PREX2: variants seen among roughly 807,000 people sequenced by gnomAD.
PREX2 encodes the protein phosphatidylinositol 3,4,5-trisphosphate-dependent Rac exchanger 2 protein.
Under a neutral mutation model 203.2 loss-of-function variants are expected in PREX2, and 107 were observed. The observed-to-expected ratio is 0.53, with a 90% CI of 0.45 to 0.62. The LOEUF is 0.62. PREX2 is among the 20% of genes least tolerant of loss of function. The pLI is 0.00. For synonymous variants in PREX2, 672 were observed against 663.6 expected, an observed-to-expected ratio of 1.01 and a Z score of -0.19; for missense variants, 1,777 against 1,955.9, an observed-to-expected ratio of 0.91 and a Z score of 1.72.
intron 1 of PREX2, among the ~76,000 whole-genome samples, chr8:67,984,757 A>C (rs1806367126): frequency 6.6e-6 from 1 of 152,222 alleles, no homozygotes; most frequent in Non-Finnish European, 1.5e-5. Context: ...TCTCGAATGC[A>C]CAAGCTGATC....
chr8:67,986,106 A>T (rs573458408), intron 1 of PREX2, among the ~76,000 whole-genome samples: 9 of 152,286 alleles, frequency 5.9e-5, no homozygotes, highest in Admixed American at 5.2e-4. Flanking sequence ...TTTTGGTTGG[A>T]GACAGGAAAA....
intron 37 of PREX2, among the ~76,000 whole-genome samples, chr8:68,210,109 T>A (rs975853483): frequency 2.2e-4 from 33 of 152,184 alleles, no homozygotes; most frequent in African/African-American, 7.5e-4. Flanking sequence ...CAGGGATAAT[T>A]TTTAGTGGTA....
intron 37 of PREX2, among the ~76,000 whole-genome samples, chr8:68,194,018 C>G (rs1283665085): frequency 6.6e-6 from 1 of 152,216 alleles, no homozygotes; most frequent in Admixed American, 6.5e-5. Context: ...ACTTTGCTCT[C>G]TATTGCAAGC....
intron 30 of PREX2, among the ~76,000 whole-genome samples, chr8:68,125,574 T>G (rs1296086792): frequency 1.3e-5 from 2 of 152,140 alleles, no homozygotes; most frequent in Non-Finnish European, 2.9e-5. Context: ...ATTAATTATA[T>G]GGTGTCCCTA....
Position 68,080,454 on chromosome 8 carries a change from A to G in PREX2, c.1654A>G (p.Ser552Gly). 1.2e-6 allele frequency: 2 copies of G among 1,611,272 alleles called. No homozygotes were observed. Among genetic ancestry groups the G allele is most frequent in the Non-Finnish European group, 1.7e-6 (2 of 1,179,364 alleles). Residue 552 changes from serine (S) to glycine (G), a missense_variant, in exon 16 of 40, where the codon AGC becomes GGC. Ser to Gly is a moderately conservative substitution (Grantham distance 56, BLOSUM62 0). Coordinates refer to ENST00000288368, the MANE Select transcript of PREX2 (RefSeq NM_024870.4). ...NGFMHHVLEKSEFKDEPLLFR... is the reference protein window; with the variant it reads ...NGFMHHVLEKGEFKDEPLLFR... ...GTCTTTTTCTGTAGTCCTTGAAAAA[A>G]GCGAATTCAAAGATGAACCCCTACT...
intron 1 of PREX2, among the ~76,000 whole-genome samples, chr8:67,975,559 C>T (rs906220572): frequency 2.0e-5 from 3 of 151,724 alleles, no homozygotes; most frequent in Non-Finnish European, 2.9e-5. Context: ...AAAACGAGAG[C>T]AACAGAATTC....
intron 10 of PREX2, among the ~76,000 whole-genome samples, chr8:68,058,696 A>G (rs1808753451): frequency 6.6e-6 from 1 of 152,064 alleles, no homozygotes; most frequent in South Asian, 2.1e-4. Context: ...CCGCCTCCCA[A>G]AATGCTGGGA....
At chr8:68,099,110 T>C (rs1810183519) in intron 22 of PREX2, among the ~76,000 whole-genome samples, 1 of 151,736 alleles carries the variant, frequency 6.6e-6, no homozygotes, top group Non-Finnish European at 1.5e-5. Context: ...CATAAATACT[T>C]TTATCTAATG....
At chr8:67,999,867 C>T (rs1291041966) in intron 1 of PREX2, among the ~76,000 whole-genome samples, 1 of 152,192 alleles carries the variant, frequency 6.6e-6, no homozygotes, top group Admixed American at 6.5e-5. Context: ...ACCAAAACCA[C>T]ATGATTATCT....
At chr8:68,015,113 C>G (rs1462573055) in intron 1 of PREX2, among the ~76,000 whole-genome samples, 1 of 152,146 alleles carries the variant, frequency 6.6e-6, no homozygotes, top group Non-Finnish European at 1.5e-5. Context: ...TGTGACTAGG[C>G]TACTAATGCT....
chr8:68,172,445 CAAGA>C lies in PREX2; in HGVS notation c.4346+15011_4346+15014del, dbSNP rs1229585124. 1.1e-4 allele frequency among the ~76,000 whole-genome samples: 16 copies of C among 152,112 alleles called. 1 individual carries two copies. Among genetic ancestry groups the C allele is most frequent in the Admixed American group, 1.0e-3 (16 of 15,268 alleles). ...TCACAAGAGTTAAATTGCTGCTTGC[CAAGA>C]ACATTTTGTCTGTAGGTTATGATAA... On this transcript the variant is annotated intron_variant, in intron 35 of 39. Coordinates refer to ENST00000288368, the MANE Select transcript of PREX2 (RefSeq NM_024870.4).
At position 68,174,554 on chromosome 8, in the gene PREX2, C is replaced by T. The variant is rs539875334; in HGVS notation, c.4346+17118C>T. Among the ~76,000 whole-genome samples the T allele has an allele frequency of 5.3e-5, 8 of 152,300 alleles. No individual in the cohort carries two copies. The South Asian group carries it at 1.4e-3, about 28-fold the overall frequency. On this transcript the variant is annotated intron_variant, in intron 35 of 39. Coordinates refer to ENST00000288368, the MANE Select transcript of PREX2 (RefSeq NM_024870.4). ...GCCAATTCCTACCCATCTTTTCTCACATGCCCCTAAATTTGCCACCACTTT... is the reference window on the plus strand; with the variant it reads ...GCCAATTCCTACCCATCTTTTCTCATATGCCCCTAAATTTGCCACCACTTT...
Position 68,231,664 on chromosome 8 carries a change from A to G in PREX2, c.*286A>G, listed in dbSNP as rs1813173745. 3.5e-6 allele frequency: 1 copy of G among 288,820 alleles called. No individual in the cohort carries two copies. The highest frequency in any genetic ancestry group is 2.2e-5 in the African/African-American group (1 of 46,430). The allele number at this position is 288,820 out of a possible 1,614,324, so 17.9% of individuals were successfully genotyped here. ...GAGTAAAATCCATCCCTGGGACATA[A>G]AGAAAAAAATATTAGAGATTTAAAA... On this transcript the variant is annotated 3_prime_UTR_variant, in exon 40 of 40. Transcript: ENST00000288368.
rs1810198847 is a variant in PREX2, at chr8:68,099,581, C to T, written c.2554-101C>T. The T allele has an allele frequency of 5.3e-6, 6 of 1,136,146 alleles. No homozygotes were observed. In the East Asian group the frequency reaches 1.5e-4, roughly 28 times the overall value. 70.4% of individuals were successfully genotyped at this position (1,136,146 alleles called of 1,614,324 possible). The stretch of plus-strand genomic sequence containing the variant: ...TTAACTTAATGAAAATTTGATATGG[C>T]TACTTTTGAAGTTTTTCTTCTTGTT... On this transcript the variant is annotated intron_variant, in intron 22 of 39. Transcript: ENST00000288368.
In PREX2 at chr8:68,099,827, T is replaced by C. The variant is rs1035534288; in HGVS notation, c.2699T>C (p.Ile900Thr). Residue 900 changes from isoleucine to threonine, a missense_variant, in exon 23 of 40, where the codon ATA becomes ACA. Ile to Thr is a moderately conservative substitution (Grantham distance 89). Transcript: ENST00000288368. ...SERIEHLCQR[I>T]SSYKKFSRVL... ...AGAATTGAACACCTATGTCAGAGAA[T>C]ATCCAGTTATAAAAAGGTAAGTGTT... The C allele has an allele frequency of 5.0e-6, 8 of 1,611,028 alleles. No homozygotes were observed. The East Asian group carries it at 1.8e-4, about 36-fold the overall frequency.
intron 33 of PREX2, 34 bp downstream of exon 33, chr8:68,138,551 C>A (rs781593812): frequency 2.9e-6 from 3 of 1,041,804 alleles, no homozygotes; most frequent in East Asian, 2.4e-5. Flanking sequence ...ATTTATTTGG[C>A]ATCAAATAAT....
chr8:68,103,259 A>C lies in PREX2; in HGVS notation c.2715+3416A>C, dbSNP rs190901656. 3.9e-5 allele frequency among the ~76,000 whole-genome samples: 6 copies of C among 152,180 alleles called. No homozygotes were observed. The East Asian group carries it at 1.2e-3, about 30-fold the overall frequency. On this transcript the variant is annotated intron_variant, in intron 23 of 39. Coordinates refer to ENST00000288368, the MANE Select transcript of PREX2 (RefSeq NM_024870.4). ...TCTTCCCCGTGTCCCCTTCCCTCAA[A>C]AGGGTACAATACAAAACTTCTATAA... is the stretch of plus-strand genomic sequence containing the variant.
intron 37 of PREX2, among the ~76,000 whole-genome samples, chr8:68,205,075 C>T (rs895186176): frequency 1.3e-5 from 2 of 152,246 alleles, no homozygotes; most frequent in East Asian, 1.9e-4. Flanking sequence ...GAAGATTTCA[C>T]CAGGGCTGTC....
At chr8:68,133,229 C>T (rs1430239370) in intron 31 of PREX2, among the ~76,000 whole-genome samples, 1 of 152,116 alleles carries the variant, frequency 6.6e-6, no homozygotes, top group Non-Finnish European at 1.5e-5. Context: ...CTCACTATCA[C>T]AAGAACAGCA....
Sources: allele counts gnomAD v4.1 joint callset (sites outside exome capture counted in the v4.1 genomes callset), GRCh38; gene constraint gnomAD v4.1.1; transcripts MANE v1.5; gene names NCBI Gene and HGNC (gene_info 2026-07-23, HGNC 2026-07-21).